Variants in PCDHGA5 observed in about 807,000 individuals in gnomAD.
PCDHGA5 encodes protocadherin gamma subfamily A, 5.
A neutral mutation model predicts 56.7 loss-of-function variants in PCDHGA5; 36 were observed. The observed-to-expected ratio is 0.64, with a 90% confidence interval of 0.49 to 0.84. The LOEUF (loss-of-function observed/expected upper bound fraction) is 0.84. PCDHGA5 is among the 40% of genes least tolerant of loss of function. The pLI is 0.00. For synonymous variants in PCDHGA5, 563 were observed against 520.2 expected (o/e 1.08, Z -1.12); for missense variants, 1,305 against 1,201.5 (o/e 1.09, Z -1.27).
Position 141,489,748 on chromosome 5 carries a change from T to G in PCDHGA5, c.2422-5059T>G. 6.2e-7 allele frequency: 1 copy of G among 1,614,156 alleles called. No homozygotes were observed. Among genetic ancestry groups the G allele is most frequent in the African/African-American group, 1.3e-5 (1 of 75,054 alleles). On this transcript the variant is annotated intron_variant, in intron 1 of 3. Transcript: ENST00000518069. This position sits in a 1 kb window ranked among gnomAD's most constrained non-coding sequence, Gnocchi z 4.5. ...TGTGGGCACCAATACTGTGAGCTTTTACACTCTAAGCCCCAACAGCCACTT... is the reference window on the plus strand; with the variant it reads ...TGTGGGCACCAATACTGTGAGCTTTGACACTCTAAGCCCCAACAGCCACTT...
chr5:141,393,472 C>T lies in PCDHGA5; in HGVS notation c.2421+26721C>T, dbSNP rs575533120. On this transcript the variant is annotated intron_variant, in intron 1 of 3. Coordinates refer to ENST00000518069, the MANE Select transcript of PCDHGA5 (RefSeq NM_018918.3). ...CTCACGGCCTCGGATGGCGGCAAGC[C>T]GCCTCGCTCTAGCACAGTGCGCATC... 3.5e-5 allele frequency: 57 copies of T among 1,614,022 alleles called. 2 individuals carry two copies. The South Asian group carries it at 4.2e-4, about 12-fold the overall frequency.
intron 1 of PCDHGA5, among the ~76,000 whole-genome samples, chr5:141,447,863 A>G (rs553375129): frequency 6.6e-6 from 1 of 152,254 alleles, no homozygotes; most frequent in East Asian, 1.9e-4. Flanking sequence ...AGGTGGGTGA[A>G]TCATCTGAGG....
chr5:141,454,974 A>AT (rs2098808620), intron 1 of PCDHGA5, among the ~76,000 whole-genome samples: 1 of 151,182 alleles, frequency 6.6e-6, no homozygotes, highest in African/African-American at 2.4e-5. Context: ...CGCCTGGCTA[A>AT]TTTTTTAAAA....
chr5:141,369,146 G>A (rs1450558377), intron 1 of PCDHGA5, among the ~76,000 whole-genome samples: 4 of 152,168 alleles, frequency 2.6e-5, no homozygotes, highest in African/African-American at 7.2e-5. Context: ...AAAATGGCAT[G>A]TTATTGACCA....
At position 141,419,393 on chromosome 5, in the gene PCDHGA5, G is replaced by A. The variant is rs1226844501; in HGVS notation, c.2421+52642G>A. On this transcript the variant is annotated intron_variant, in intron 1 of 3. Transcript: ENST00000518069. The stretch of plus-strand genomic sequence containing the variant: ...CTACGTGTCCGTGAGCGCGCAGAGC[G>A]GGGTGGTGTTCGCGCAGCGCGCCTT... 6.2e-7 allele frequency: 1 copy of A among 1,613,502 alleles called. No homozygotes were observed. Among genetic ancestry groups the A allele is most frequent in the Non-Finnish European group, 8.5e-7 (1 of 1,179,920 alleles).
intron 1 of PCDHGA5, among the ~76,000 whole-genome samples, chr5:141,452,137 GT>G (rs2098734666): frequency 6.6e-6 from 1 of 152,044 alleles, no homozygotes; most frequent in Non-Finnish European, 1.5e-5. Flanking sequence ...TGGCTCATGT[GT>G]TTTTTCCAAT....
intron 1 of PCDHGA5, chr5:141,375,781 C>T (rs1381620623): frequency 6.2e-7 from 1 of 1,614,252 alleles, no homozygotes; most frequent in South Asian, 1.1e-5. Flanking sequence ...TGTACCCCGC[C>T]CTCCCCACAG....
At chr5:141,475,840 A>G (rs1039073157) in intron 1 of PCDHGA5, 2 of 434,770 alleles carry the variant, frequency 4.6e-6, no homozygotes, top group Non-Finnish European at 8.2e-6. Context: ...TGTCCTGCTC[A>G]GAGAGCCCGG....
intron 1 of PCDHGA5, among the ~76,000 whole-genome samples, chr5:141,368,452 C>T (rs75043959): frequency 0.049 from 7,512 of 151,972 alleles, 218 homozygotes; most frequent in Admixed American, 0.079. Flanking sequence ...ACAAACTCAC[C>T]GAATAGTGAA....
chr5:141,494,898 T>C, intron 2 of PCDHGA5, 33 bp downstream of exon 2: 1 of 1,614,074 alleles, frequency 6.2e-7, no homozygotes, highest in Non-Finnish European at 8.5e-7. Flanking sequence ...CACCCTCTTC[T>C]CTGCGGCATT....
chr5:141,392,570 AG>A (rs1561637414), intron 1 of PCDHGA5: 1 of 443,018 alleles, frequency 2.3e-6, no homozygotes, highest in East Asian at 3.6e-5. Context: ...GTAACTATTT[AG>A]GACTGTAAGC....
At chr5:141,410,005 C>T (rs1009148964) in intron 1 of PCDHGA5, 16 of 1,613,172 alleles carry the variant, frequency 9.9e-6, no homozygotes, top group Non-Finnish European at 1.3e-5. Context: ...CGGGACACAA[C>T]GCCTGGCTGT....
At chr5:141,480,781 G>A (rs2099525581) in intron 1 of PCDHGA5, among the ~76,000 whole-genome samples, 1 of 152,174 alleles carries the variant, frequency 6.6e-6, no homozygotes, top group Admixed American at 6.5e-5. Flanking sequence ...CTAATGTGCA[G>A]ACAAATTTGA....
intron 1 of PCDHGA5, chr5:141,409,337 A>T: frequency 6.2e-7 from 1 of 1,614,012 alleles, no homozygotes; most frequent in Non-Finnish European, 8.5e-7. Flanking sequence ...TTTCGGAGGA[A>T]ATGGAGAAGT....
chr5:141,393,446 C>A (rs572838831), intron 1 of PCDHGA5: 1 of 1,614,038 alleles, frequency 6.2e-7, no homozygotes, highest in East Asian at 2.2e-5. Flanking sequence ...ACCACCTGGT[C>A]CTCACGGCCT....
intron 1 of PCDHGA5, chr5:141,408,083 C>A: frequency 7.1e-7 from 1 of 1,414,576 alleles, no homozygotes; most frequent in Non-Finnish European, 9.3e-7. Flanking sequence ...CCCAGCACAG[C>A]GGATTGCCAG....
In PCDHGA5 at chr5:141,414,837, G is replaced by C. The variant is rs776651290; in HGVS notation, c.2421+48086G>C. On this transcript the variant is annotated intron_variant, in intron 1 of 3. Coordinates refer to ENST00000518069, the MANE Select transcript of PCDHGA5 (RefSeq NM_018918.3). ...TCAGCAGCAACGTGTCGTTGAGCCT[G>C]TTTGTGCTGGACCAGAACGACAATG... The C allele has an allele frequency of 2.4e-5, 38 of 1,614,232 alleles. No homozygotes were observed. In the Admixed American group the frequency reaches 5.8e-4, roughly 25 times the overall value.
intron 3 of PCDHGA5, among the ~76,000 whole-genome samples, chr5:141,505,926 G>T (rs114056147): frequency 6.6e-6 from 1 of 152,146 alleles, no homozygotes; most frequent in African/African-American, 2.4e-5. Flanking sequence ...TGGGCCTGGC[G>T]CTTGGAAGCC....
intron 1 of PCDHGA5, chr5:141,378,088 T>A (rs1218204650): frequency 6.6e-6 from 1 of 152,252 alleles, no homozygotes; most frequent in African/African-American, 2.4e-5. Context: ...TTATAACTTT[T>A]TTTCAAACTC....
Sources: gnomAD v4.1 joint callset for allele counts (sites outside exome capture counted in the v4.1 genomes callset) on GRCh38, gnomAD v4.1.1 for gene constraint, Gnocchi (gnomAD v3.1) non-coding constraint, MANE v1.5 for transcripts, NCBI Gene and HGNC (gene_info 2026-07-23, HGNC 2026-07-21) for gene names.